Variants in SPMIP3 observed in about 807,000 individuals in gnomAD.
SPMIP3 encodes the protein protein SPMIP3.
At chr1:244,378,695 A>G in the SPMIP3 span, 148 of 1,535,990 alleles carry the variant, frequency 9.6e-5, 2 homozygotes, top group South Asian at 1.7e-3. Flanking sequence ...TGGGCCACAG[A>G]TTAGCATCTC....
chr1:244,382,918 G>A, the SPMIP3 span, among the ~76,000 whole-genome samples: 2 of 152,012 alleles, frequency 1.3e-5, no homozygotes, highest in African/African-American at 2.4e-5. Context: ...CTGCTGTGAA[G>A]ACACTGCTAA....
chr1:244,361,691 C>G, the SPMIP3 span, among the ~76,000 whole-genome samples: 1 of 152,164 alleles, frequency 6.6e-6, no homozygotes, highest in Non-Finnish European at 1.5e-5. Context: ...ATACATACAT[C>G]TCTTATATAT....
chr1:244,373,151 C>A, the SPMIP3 span, among the ~76,000 whole-genome samples: 14 of 151,296 alleles, frequency 9.3e-5, no homozygotes, highest in Non-Finnish European at 2.9e-5. Flanking sequence ...GAGGTCAAGG[C>A]GGGAGAATCA....
the SPMIP3 span, among the ~76,000 whole-genome samples, chr1:244,362,447 C>T: frequency 6.6e-6 from 1 of 152,188 alleles, no homozygotes; most frequent in Non-Finnish European, 1.5e-5. Flanking sequence ...AGCAGTAAAA[C>T]TCTGTAGGGT....
the SPMIP3 span, among the ~76,000 whole-genome samples, chr1:244,369,481 T>C: frequency 2.6e-5 from 4 of 152,182 alleles, no homozygotes; most frequent in African/African-American, 9.7e-5. Flanking sequence ...CGTGGTTCAT[T>C]GCCACACGCC....
At chr1:244,356,415 T>G in the SPMIP3 span, among the ~76,000 whole-genome samples, 3 of 152,236 alleles carry the variant, frequency 2.0e-5, no homozygotes, top group Non-Finnish European at 4.4e-5. Context: ...AAAAATCTAC[T>G]GAGAAAGTTG....
the SPMIP3 span, among the ~76,000 whole-genome samples, chr1:244,375,750 C>G: frequency 1.3e-5 from 2 of 152,000 alleles, no homozygotes; most frequent in Non-Finnish European, 2.9e-5. Flanking sequence ...CCACAACCTC[C>G]ACCTCCCAGG....
At chr1:244,379,943 G>A in the SPMIP3 span, among the ~76,000 whole-genome samples, 1 of 141,446 alleles carries the variant, frequency 7.1e-6, no homozygotes, top group African/African-American at 2.6e-5. Flanking sequence ...ACTCCAGCCT[G>A]GGCAACAGGA....
chr1:244,356,918 C>CTTTTTTTT, the SPMIP3 span, among the ~76,000 whole-genome samples: 1 of 103,784 alleles, frequency 9.6e-6, no homozygotes, highest in African/African-American at 3.8e-5. Context: ...TTTTCTTTTC[C>CTTTTTTTT]TTTTTTTTTT....
chr1:244,378,481 T>A, the SPMIP3 span: 1 of 1,613,238 alleles, frequency 6.2e-7, no homozygotes. Flanking sequence ...CTCATAGACT[T>A]GACAATTCCA....
At chr1:244,378,110 A>G in the SPMIP3 span, among the ~76,000 whole-genome samples, 1 of 152,118 alleles carries the variant, frequency 6.6e-6, no homozygotes, top group Non-Finnish European at 1.5e-5. Context: ...CCAGGCCTGC[A>G]CTGGTTCCTT....
At chr1:244,365,510 CCAG>C in the SPMIP3 span, among the ~76,000 whole-genome samples, 1 of 152,152 alleles carries the variant, frequency 6.6e-6, no homozygotes, top group Non-Finnish European at 1.5e-5. Context: ...TGAGGCCTCC[CCAG>C]CCGTGTGGAA....
the SPMIP3 span, among the ~76,000 whole-genome samples, chr1:244,386,939 T>C: frequency 6.6e-6 from 1 of 152,244 alleles, no homozygotes. Context: ...GCAATATCAG[T>C]GTACAACTGA....
chr1:244,353,191 G>T, the SPMIP3 span, among the ~76,000 whole-genome samples: 2,611 of 152,204 alleles, frequency 0.017, 71 homozygotes, highest in African/African-American at 0.06. Context: ...GCCACCAAAC[G>T]AAGTGGTCCC....
the SPMIP3 span, among the ~76,000 whole-genome samples, chr1:244,362,080 G>C: frequency 6.6e-6 from 1 of 152,148 alleles, no homozygotes; most frequent in African/African-American, 2.4e-5. Flanking sequence ...GGCTCTGTTG[G>C]ATAGCCAACT....
At chr1:244,356,342 A>G in the SPMIP3 span, among the ~76,000 whole-genome samples, 8 of 152,336 alleles carry the variant, frequency 5.3e-5, no homozygotes, top group African/African-American at 1.9e-4. Flanking sequence ...GGTCAATTTT[A>G]TTAAGTTCTT....
At chr1:244,379,088 C>T in the SPMIP3 span, among the ~76,000 whole-genome samples, 17 of 151,980 alleles carry the variant, frequency 1.1e-4, no homozygotes, top group African/African-American at 3.6e-4. Flanking sequence ...CCACCACACC[C>T]GGCTAATTTT....
the SPMIP3 span, among the ~76,000 whole-genome samples, chr1:244,379,396 G>A: frequency 6.6e-6 from 1 of 151,268 alleles, no homozygotes; most frequent in African/African-American, 2.4e-5. Context: ...ATAGAGATGA[G>A]GGTCTTGCTT....
the SPMIP3 span, among the ~76,000 whole-genome samples, chr1:244,379,869 G>A: frequency 1.3e-4 from 19 of 151,898 alleles, no homozygotes; most frequent in South Asian, 6.2e-4. Flanking sequence ...TCGGGAGGCT[G>A]AGGCAGGAGA....
Sources: allele counts gnomAD v4.1 joint callset (sites outside exome capture counted in the v4.1 genomes callset), GRCh38; gene constraint gnomAD v4.1.1; transcripts MANE v1.5; gene names NCBI Gene and HGNC (gene_info 2026-07-23, HGNC 2026-07-21).